The following ARHGEF10L variants were observed in gnomAD, a reference collection of about 807,000 sequenced individuals.
The protein encoded by ARHGEF10L is rho guanine nucleotide exchange factor 10-like protein.
ARHGEF10L carries 69 observed loss-of-function variants against 141.2 expected under a neutral mutation model. The observed-to-expected ratio is 0.49, with a 90% CI of 0.40 to 0.60. The LOEUF is 0.60. Ranked by LOEUF, ARHGEF10L falls within the 20% of genes least tolerant of loss-of-function variation. ARHGEF10L has a pLI of 0.00. For missense variants in ARHGEF10L, 1,482 were observed against 1,734.3 expected (o/e 0.85, Z 2.58); for synonymous variants, 711 against 718.5 (o/e 0.99, Z 0.17).
In ARHGEF10L at chr1:17,644,862, G is replaced by A. The variant is rs147385661; in HGVS notation, c.2273-3692G>A. Reference sequence around the variant, plus strand: ...GGAGTGCCTGGTGTCTGCTGGTCATGATATATATGATTTCCAGTGCTCACA... The same window carrying A: ...GGAGTGCCTGGTGTCTGCTGGTCATAATATATATGATTTCCAGTGCTCACA... On this transcript the variant is annotated intron_variant, in intron 21 of 28. Coordinates refer to ENST00000361221, the MANE Select transcript of ARHGEF10L (RefSeq NM_018125.4). The surrounding 1 kb of genome is among the most constrained non-coding windows in gnomAD (Gnocchi z 4.5). 7.2e-5 allele frequency among the ~76,000 whole-genome samples: 11 copies of A among 152,270 alleles called. No individual in the cohort carries two copies. The highest frequency in any genetic ancestry group is 1.6e-4 in the Non-Finnish European group (11 of 68,028).
chr1:17,606,236 C>T (rs1414025822), intron 6 of ARHGEF10L, among the ~76,000 whole-genome samples: 1 of 152,164 alleles, frequency 6.6e-6, no homozygotes, highest in East Asian at 1.9e-4. Context: ...TCTCTGATGA[C>T]CAAAGCTCGC....
rs746321587 is a variant in ARHGEF10L, at chr1:17,621,831, A to G, written c.943-33A>G. ...ACTTGGGCCCTGTGCAGCAGGTGTCATGTGCGCTGACCGTGCTTTTTGGCC... is the reference window on the plus strand; with the variant it reads ...ACTTGGGCCCTGTGCAGCAGGTGTCGTGTGCGCTGACCGTGCTTTTTGGCC... On this transcript the variant is annotated intron_variant, in intron 10 of 28. Transcript: ENST00000361221. This position sits in a 1 kb window ranked among gnomAD's most constrained non-coding sequence, Gnocchi z 4.1. The G allele has an allele frequency of 3.3e-6, 5 of 1,497,434 alleles. No individual in the cohort carries two copies. Among genetic ancestry groups the G allele is most frequent in the African/African-American group, 1.6e-5 (1 of 61,898 alleles). 92.8% of individuals were successfully genotyped at this position (1,497,434 alleles called of 1,614,324 possible).
rs554759887 is a variant in ARHGEF10L at position 17,619,384 on chromosome 1, C to T, written c.881C>T (p.Ser294Leu). ...ATGGGGCTCCTGGAGGTCAGCGTTT[C>T]GGACATCAAGCCCCCAGCCCCAGAG... ...EDMGLLEVSV[S>L]DIKPPAPELG... Residue 294 changes from serine (S) to leucine (L), a missense_variant, in exon 10 of 29, where the codon TCG (serine) becomes TTG (leucine). Coordinates refer to ENST00000361221, the MANE Select transcript of ARHGEF10L (RefSeq NM_018125.4). This position sits in a 1 kb window ranked among gnomAD's most constrained non-coding sequence, Gnocchi z 5.0. 1.4e-5 allele frequency: 22 copies of T among 1,612,802 alleles called. No homozygotes were observed. Among genetic ancestry groups the T allele is most frequent in the East Asian group, 1.1e-4 (5 of 44,834 alleles).
chr1:17,648,322 A>G (rs947144599), intron 21 of ARHGEF10L, among the ~76,000 whole-genome samples: 1 of 152,198 alleles, frequency 6.6e-6, no homozygotes, highest in African/African-American at 2.4e-5. Context: ...GTTCAGCGGT[A>G]GGGTGGTCAA....
intron 4 of ARHGEF10L, among the ~76,000 whole-genome samples, chr1:17,589,981 A>C (rs915617861): frequency 3.3e-5 from 5 of 151,842 alleles, no homozygotes; most frequent in African/African-American, 9.7e-5. Context: ...GGGCAGGGGG[A>C]GTGCCTGCTG....
chr1:17,660,659 G>C (rs955896374), intron 25 of ARHGEF10L, among the ~76,000 whole-genome samples: 1 of 152,226 alleles, frequency 6.6e-6, no homozygotes, highest in Non-Finnish European at 1.5e-5. Context: ...TTTCTCCACT[G>C]CTGGCTGGGG....
the ARHGEF10L span, among the ~76,000 whole-genome samples, chr1:17,520,014 C>T: frequency 6.6e-6 from 1 of 152,182 alleles, no homozygotes; most frequent in South Asian, 2.1e-4. Flanking sequence ...CCAACCCTGC[C>T]CTGTACCCAG....
At chr1:17,624,042 G>A (rs1214866875) in intron 12 of ARHGEF10L, among the ~76,000 whole-genome samples, 1 of 152,214 alleles carries the variant, frequency 6.6e-6, no homozygotes, top group Non-Finnish European at 1.5e-5. Context: ...CGTGAATGCA[G>A]TAGAAGGGGT....
chr1:17,652,120 C>T (rs907422906), intron 22 of ARHGEF10L, among the ~76,000 whole-genome samples: 2 of 152,190 alleles, frequency 1.3e-5, no homozygotes, highest in Admixed American at 6.5e-5. Flanking sequence ...GACTATTTGT[C>T]TAGGGAGGGC....
At chr1:17,568,609 G>A (rs939157985) in intron 1 of ARHGEF10L, among the ~76,000 whole-genome samples, 1 of 152,176 alleles carries the variant, frequency 6.6e-6, no homozygotes, top group African/African-American at 2.4e-5. Context: ...GGGGGTGCTT[G>A]AAGCTCATTA....
intron 4 of ARHGEF10L, among the ~76,000 whole-genome samples, chr1:17,591,408 AT>A (rs35249582): frequency 0.016 from 1,881 of 121,140 alleles, 26 homozygotes; most frequent in African/African-American, 0.046. Context: ...ATGCCTGGCT[AT>A]TTTTTTTTTT....
At chr1:17,578,458 G>A (rs934989337) in intron 1 of ARHGEF10L, among the ~76,000 whole-genome samples, 1 of 152,242 alleles carries the variant, frequency 6.6e-6, no homozygotes, top group Non-Finnish European at 1.5e-5. Context: ...GTCAACAAGG[G>A]AGGATGGCTT....
At chr1:17,663,381 G>A (rs893147770) in intron 25 of ARHGEF10L, among the ~76,000 whole-genome samples, 26 of 152,020 alleles carry the variant, frequency 1.7e-4, no homozygotes, top group South Asian at 1.0e-3. Flanking sequence ...GCAAAACCCC[G>A]TGTCTACTAA....
chr1:17,689,108 G>A (rs958975170), intron 27 of ARHGEF10L, among the ~76,000 whole-genome samples: 5 of 152,104 alleles, frequency 3.3e-5, no homozygotes, highest in African/African-American at 7.2e-5. Flanking sequence ...CGTCTTGCTC[G>A]TGGTCATGCA....
At chr1:17,675,696 G>A (rs572512987) in intron 26 of ARHGEF10L, among the ~76,000 whole-genome samples, 9 of 144,226 alleles carry the variant, frequency 6.2e-5, no homozygotes, top group Middle Eastern at 3.9e-3. Context: ...GTACAGGTGT[G>A]TTCAAGTGTA....
the ARHGEF10L span, among the ~76,000 whole-genome samples, chr1:17,519,278 C>T: frequency 6.6e-6 from 1 of 151,878 alleles, no homozygotes; most frequent in Non-Finnish European, 1.5e-5. Context: ...TCACAAAAAC[C>T]CCATCAGGTA....
chr1:17,630,461 G>C (rs530082834), intron 15 of ARHGEF10L, among the ~76,000 whole-genome samples: 4 of 152,228 alleles, frequency 2.6e-5, no homozygotes, highest in Admixed American at 2.6e-4. Context: ...CTCTTGAGTT[G>C]GCGTTTGGTT....
chr1:17,634,362 A>G (rs2060873645), intron 16 of ARHGEF10L, 186 bp from the exon 17 acceptor site: 7 of 870,306 alleles, frequency 8.0e-6, no homozygotes, highest in Non-Finnish European at 1.3e-5. Context: ...TGTGAGACCC[A>G]GAGATGAAGG....
At chr1:17,624,821 T>C (rs2060294098) in intron 13 of ARHGEF10L, among the ~76,000 whole-genome samples, 1 of 152,158 alleles carries the variant, frequency 6.6e-6, no homozygotes, top group Non-Finnish European at 1.5e-5. Flanking sequence ...GGCCCTGTGG[T>C]GGGCTGTGGC....
Sources: allele counts gnomAD v4.1 joint callset (sites outside exome capture counted in the v4.1 genomes callset), GRCh38; gene constraint gnomAD v4.1.1; non-coding constraint Gnocchi (gnomAD v3.1); transcripts MANE v1.5; gene names NCBI Gene and HGNC (gene_info 2026-07-23, HGNC 2026-07-21).